TAFA2: variants seen among roughly 807,000 people sequenced by gnomAD.
The protein encoded by TAFA2 is TAFA chemokine like family member 2, also known as chemokine-like protein TAFA-2.
Under a neutral mutation model 18.8 loss-of-function variants are expected in TAFA2, and 7 were observed. That is an observed-to-expected ratio of 0.37 (90% CI 0.21 to 0.70). The LOEUF (loss-of-function observed/expected upper bound fraction) is 0.70. Ranked by LOEUF, TAFA2 falls within the 30% of genes least tolerant of loss-of-function variation. TAFA2 has a pLI of 0.53. For synonymous variants in TAFA2, 60 were observed against 54.2 expected (o/e 1.11, Z -0.47); for missense variants, 122 against 158.1 (o/e 0.77, Z 1.23).
chr12:62,216,329 T>G (rs2062735856), intron 1 of TAFA2, among the ~76,000 whole-genome samples: 1 of 152,186 alleles, frequency 6.6e-6, no homozygotes, highest in African/African-American at 2.4e-5. Flanking sequence ...GAAAGGTAAT[T>G]TTAAACTCTG....
At chr12:61,961,972 G>C (rs1271435111) in intron 1 of TAFA2, among the ~76,000 whole-genome samples, 1 of 151,962 alleles carries the variant, frequency 6.6e-6, no homozygotes, top group African/African-American at 2.4e-5. Flanking sequence ...CCTCTAATCA[G>C]CAGAAAGCTT....
At chr12:61,798,753 TTC>T (rs1871288621) in intron 2 of TAFA2, among the ~76,000 whole-genome samples, 1 of 152,214 alleles carries the variant, frequency 6.6e-6, no homozygotes, top group Admixed American at 6.5e-5. Flanking sequence ...AAATGCAAAG[TTC>T]TCTCATACTT....
intron 4 of TAFA2, among the ~76,000 whole-genome samples, chr12:61,725,345 T>G (rs1420050669): frequency 2.0e-5 from 3 of 152,122 alleles, no homozygotes; most frequent in Non-Finnish European, 4.4e-5. Context: ...TTCTTTGTCG[T>G]GAATTCTTTG....
intron 1 of TAFA2, among the ~76,000 whole-genome samples, chr12:62,005,798 T>C (rs924673775): frequency 5.3e-5 from 8 of 152,162 alleles, no homozygotes; most frequent in African/African-American, 1.9e-4. Context: ...ACAGTTCATT[T>C]GCCCTAAGTT....
chr12:61,767,332 G>A (rs12320238), intron 2 of TAFA2, among the ~76,000 whole-genome samples: 8,587 of 152,030 alleles, frequency 0.056, 808 homozygotes, highest in African/African-American at 0.2. Flanking sequence ...AAAATGTATT[G>A]TACAGTGTGA....
In TAFA2 at chr12:61,711,728, G is replaced by A. The variant is rs75386416; in HGVS notation, c.385-1311C>T. Among the ~76,000 whole-genome samples the A allele has an allele frequency of 5.9e-5, 9 of 152,034 alleles. No homozygotes were observed. The East Asian group carries it at 1.7e-3, about 29-fold the overall frequency. On this transcript the variant is annotated intron_variant, in intron 4 of 4. Transcript: ENST00000416284. The stretch of plus-strand genomic sequence containing the variant: ...CAGTCATCTCATTTCTGTCTCAGTG[G>A]TCTGCTAGCACTCCCAAGGAAGGAG...
At chr12:61,903,844 C>T (rs1030789570) in intron 1 of TAFA2, among the ~76,000 whole-genome samples, 5 of 152,096 alleles carry the variant, frequency 3.3e-5, no homozygotes, top group African/African-American at 1.2e-4. Flanking sequence ...TGAGAGAATT[C>T]AAGAGTAAAA....
At chr12:62,005,865 C>A in intron 1 of TAFA2, among the ~76,000 whole-genome samples, 1 of 152,036 alleles carries the variant, frequency 6.6e-6, no homozygotes. Context: ...CGTATATCTG[C>A]CAATGAAAAA....
intron 1 of TAFA2, among the ~76,000 whole-genome samples, chr12:62,136,415 C>G (rs1321758431): frequency 6.6e-6 from 1 of 152,084 alleles, no homozygotes; most frequent in Non-Finnish European, 1.5e-5. Flanking sequence ...GAAAATAGAT[C>G]TGCTTTTTCC....
chr12:61,984,373 G>C (rs1406913606), intron 1 of TAFA2, among the ~76,000 whole-genome samples: 1 of 152,210 alleles, frequency 6.6e-6, no homozygotes, highest in Non-Finnish European at 1.5e-5. Context: ...CCCCGGTCTT[G>C]TCATTCACGT....
At chr12:61,999,435 G>A (rs1181326072) in intron 1 of TAFA2, among the ~76,000 whole-genome samples, 1 of 152,190 alleles carries the variant, frequency 6.6e-6, no homozygotes, top group Admixed American at 6.5e-5. Context: ...TCTTGCATAA[G>A]ATTACATAAC....
intron 1 of TAFA2, among the ~76,000 whole-genome samples, chr12:61,952,777 G>T (rs1183356130): frequency 6.6e-6 from 1 of 151,816 alleles, no homozygotes; most frequent in Non-Finnish European, 1.5e-5. Flanking sequence ...AATTTAAGAG[G>T]TATCATTTAC....
chr12:62,044,834 C>G (rs1333057109), intron 1 of TAFA2, among the ~76,000 whole-genome samples: 1 of 152,130 alleles, frequency 6.6e-6, no homozygotes, highest in African/African-American at 2.4e-5. Context: ...TGAAGGCAAA[C>G]GATCAATCTC....
chr12:62,225,910 G>T (rs1004141120), intron 1 of TAFA2, among the ~76,000 whole-genome samples: 2 of 152,108 alleles, frequency 1.3e-5, no homozygotes, highest in Admixed American at 6.5e-5. Context: ...GGGTAATTTG[G>T]CAATATTTAT....
At chr12:61,936,459 A>C (rs1043507713) in intron 1 of TAFA2, among the ~76,000 whole-genome samples, 1 of 151,888 alleles carries the variant, frequency 6.6e-6, no homozygotes, top group African/African-American at 2.4e-5. Flanking sequence ...TCCCAGCTAC[A>C]CAGGAGGCTG....
At position 61,828,347 on chromosome 12, in the gene TAFA2, C is replaced by T. The variant is rs141753402; in HGVS notation, c.106+38973G>A. ...GCTGTTTTGTTACAAATTCAAGAAT[C>T]GTAAAACAAAAGAATTCTATAACTA... On this transcript the variant is annotated intron_variant, in intron 2 of 4. Coordinates refer to ENST00000416284, the MANE Select transcript of TAFA2 (RefSeq NM_178539.5). 2.3e-3 allele frequency among the ~76,000 whole-genome samples: 350 copies of T among 151,910 alleles called. 1 individual carries two copies. The highest frequency in any genetic ancestry group is 7.9e-3 in the African/African-American group (329 of 41,514).
intron 2 of TAFA2, among the ~76,000 whole-genome samples, chr12:61,835,237 T>C (rs899413810): frequency 6.6e-6 from 1 of 152,054 alleles, no homozygotes; most frequent in Non-Finnish European, 1.5e-5. Flanking sequence ...GCATTTGATA[T>C]ATGTAGATAT....
chr12:61,988,661 T>G (rs1273635805), intron 1 of TAFA2, among the ~76,000 whole-genome samples: 1 of 152,158 alleles, frequency 6.6e-6, no homozygotes, highest in Non-Finnish European at 1.5e-5. Flanking sequence ...TATAATTAAA[T>G]TATCATTCCA....
At chr12:62,176,869 T>C (rs958584322) in intron 1 of TAFA2, among the ~76,000 whole-genome samples, 2 of 152,192 alleles carry the variant, frequency 1.3e-5, no homozygotes, top group African/African-American at 2.4e-5. Context: ...AATGGTATGA[T>C]TGAGATGCAA....
Sources: allele counts gnomAD v4.1 joint callset (sites outside exome capture counted in the v4.1 genomes callset), GRCh38; gene constraint gnomAD v4.1.1; transcripts MANE v1.5; gene names NCBI Gene and HGNC (gene_info 2026-07-23, HGNC 2026-07-21).